GRSF1: variants seen among roughly 807,000 people sequenced by gnomAD.
GRSF1 encodes G-rich sequence factor 1.
Under a neutral mutation model 51.1 loss-of-function variants are expected in GRSF1, and 50 were observed. The ratio of observed to expected loss-of-function variants is 0.98; its 90% CI spans 0.78 to 1.24. GRSF1 has a LOEUF of 1.24. Among genes scored for constraint, GRSF1 ranks in the 50% most tolerant of loss-of-function variants. GRSF1 has a pLI of 0.00. For missense variants in GRSF1, 700 were observed against 639.7 expected (o/e 1.09, Z -1.02); for synonymous variants, 293 against 253.3 (o/e 1.16, Z -1.49).
At chr4:70,834,852 T>G (rs1314299518) in intron 2 of GRSF1, among the ~76,000 whole-genome samples, 1 of 152,046 alleles carries the variant, frequency 6.6e-6, no homozygotes, top group Non-Finnish European at 1.5e-5. Flanking sequence ...CTCGATCTCC[T>G]GACCTCGTGA....
upstream of GRSF1, chr4:70,839,943 A>C: frequency 1.1e-6 from 1 of 916,772 alleles, no homozygotes; most frequent in South Asian, 1.9e-5. Context: ...CGCCGCGGGC[A>C]CTGGGTGGGG....
Position 70,815,823 on chromosome 4 carries a change from A to G in GRSF1, c.*5064T>C, listed in dbSNP as rs1445223779. On this transcript the variant is annotated 3_prime_UTR_variant, in exon 10 of 10. Coordinates refer to ENST00000254799, the MANE Select transcript of GRSF1 (RefSeq NM_002092.4). ...CCAACTTTATTCATGATAGCCCCAA[A>G]CTAGAAACAGCCCATTGTTCACCAG... 1 of 152,206 alleles carries G rather than the reference A, an allele frequency of 6.6e-6. No homozygotes were observed. Among genetic ancestry groups the G allele is most frequent in the East Asian group, 1.9e-4 (1 of 5,204 alleles). 9.4% of individuals were successfully genotyped at this position (152,206 alleles called of 1,614,324 possible).
rs774818709 is a variant in GRSF1, at chr4:70,820,346, A to C, written c.*541T>G. The C allele has an allele frequency of 6.6e-6, 1 of 152,636 alleles. No individual in the cohort carries two copies. The highest frequency in any genetic ancestry group is 1.5e-5 in the Non-Finnish European group (1 of 68,028). The allele number at this position is 152,636 out of a possible 1,614,324, so 9.5% of individuals were successfully genotyped here. A position where few individuals can be genotyped will look rare whatever the true frequency, so the allele number is the denominator to read the frequency against. ...TTGATTTTTAAAAATTCCTATCTCT[A>C]AGTAATCAAATACAGCAAAATTTAA... On this transcript the variant is annotated 3_prime_UTR_variant, in exon 10 of 10. Transcript: ENST00000254799.
intron 1 of GRSF1, 58 bp from the exon 2 acceptor site, chr4:70,836,372 A>C: frequency 8.0e-7 from 1 of 1,257,574 alleles, no homozygotes; most frequent in Non-Finnish European, 1.1e-6. Context: ...AAAAATGTAA[A>C]AAAATTCTTA....
rs1402429300 is a variant in GRSF1 at position 70,823,496 on chromosome 4, C to T, written c.*25+798G>A. The stretch of plus-strand genomic sequence containing the variant: ...GCAGAATTTTCTTTTTTTTTTTTTG[C>T]CCCCCACATCTGAGAAGCCAGAGCG... On this transcript the variant is annotated intron_variant, in intron 9 of 9. Transcript: ENST00000254799. 3.3e-5 allele frequency among the ~76,000 whole-genome samples: 4 copies of T among 121,418 alleles called. No homozygotes were observed. In the East Asian group the frequency reaches 9.3e-4, roughly 28 times the overall value. 79.7% of individuals were successfully genotyped at this position (121,418 alleles called of 152,430 possible).
At chr4:70,827,775 C>G in intron 6 of GRSF1, 77 bp downstream of exon 6, 1 of 1,051,186 alleles carries the variant, frequency 9.5e-7, no homozygotes, top group Non-Finnish European at 1.4e-6. Context: ...GAGACTTCAT[C>G]TCAAAAAAAA....
intron 1 of GRSF1, among the ~76,000 whole-genome samples, chr4:70,838,357 G>A (rs1258384380): frequency 7.9e-5 from 12 of 151,988 alleles, no homozygotes; most frequent in African/African-American, 2.9e-4. Flanking sequence ...AGCTCACAAA[G>A]GTTTACTGGA....
In GRSF1 at chr4:70,815,993, A is replaced by G. The variant is rs1292396890; in HGVS notation, c.*4894T>C. The G allele has an allele frequency of 6.6e-6, 1 of 152,244 alleles. No individual in the cohort carries two copies. Among genetic ancestry groups the G allele is most frequent in the East Asian group, 1.9e-4 (1 of 5,206 alleles). 9.4% of individuals were successfully genotyped at this position (152,244 alleles called of 1,614,324 possible). On this transcript the variant is annotated 3_prime_UTR_variant, in exon 10 of 10. Coordinates refer to ENST00000254799, the MANE Select transcript of GRSF1 (RefSeq NM_002092.4). ...AAGGAACTTACAGAATACATACTGC[A>G]TAAGTGAGTCCGTTATATGAAGTTC...
chr4:70,839,249 T>C (rs1262855020), intron 1 of GRSF1: 6 of 1,474,750 alleles, frequency 4.1e-6, no homozygotes, highest in Non-Finnish European at 4.5e-6. Flanking sequence ...GACCAGAGAC[T>C]CGAGGCGAGA....
intron 3 of GRSF1, 129 bp downstream of exon 3, chr4:70,832,989 T>C (rs1578305095): frequency 1.2e-6 from 1 of 811,470 alleles, no homozygotes; most frequent in South Asian, 2.1e-5. Flanking sequence ...TGTTTTATTT[T>C]CACATCCTAT....
Position 70,839,554 on chromosome 4 carries a change from C to A in GRSF1, c.274G>T (p.Ala92Ser). 1.4e-6 allele frequency: 2 copies of A among 1,424,054 alleles called. No homozygotes were observed. The highest frequency in any genetic ancestry group is 1.8e-6 in the Non-Finnish European group (2 of 1,091,756). 88.2% of individuals were successfully genotyped at this position (1,424,054 alleles called of 1,614,324 possible). A position where few individuals can be genotyped will look rare whatever the true frequency, so the allele number is the denominator to read the frequency against. Reference protein sequence around the residue: ...VATSAAAAAAASYSALRASLL... With the variant: ...VATSAAAAAASSYSALRASLL... ...GAGGCACGGAGGGCAGAGTAGGACG[C>A]GGCGGCCGCGGCCGCGGCAGAGGTG... The change falls in exon 1 of 10, where the codon GCG (alanine) becomes TCG (serine). Residue 92 changes from alanine to serine, a missense_variant. Physicochemically the swap from Ala to Ser is moderately conservative, Grantham distance 99. Transcript: ENST00000254799.
Position 70,836,243 on chromosome 4 carries a change from T to G in GRSF1, c.429A>C (p.Glu143Asp). 1 of 1,610,544 alleles carries G rather than the reference T, an allele frequency of 6.2e-7. No homozygotes were observed. The highest frequency in any genetic ancestry group is 8.5e-7 in the Non-Finnish European group (1 of 1,178,466). ...PEYELAPSKL[E>D]EEVDDVFLIR... ...TGAGAAAGACATCATCCACTTCCTC[T>G]TCTAACTTGGACGGGGCCAATTCAT... Residue 143 changes from glutamate to aspartate, a missense_variant, in exon 2 of 10, where the codon GAA becomes GAC. Coordinates refer to ENST00000254799, the MANE Select transcript of GRSF1 (RefSeq NM_002092.4).
intron 7 of GRSF1, 191 bp downstream of exon 7, chr4:70,825,933 A>T: frequency 1.9e-6 from 1 of 530,602 alleles, no homozygotes; most frequent in Non-Finnish European, 3.3e-6. Flanking sequence ...CTCTGTCACA[A>T]AAAAAAGTAA....
Position 70,817,439 on chromosome 4 carries a change from T to C in GRSF1, c.*3448A>G, listed in dbSNP as rs1733354106. ...AACCTTCCTTCCTATACTTCCTTTC[T>C]AAAAATAAGAAAACCACTAGAACTA... On this transcript the variant is annotated 3_prime_UTR_variant, in exon 10 of 10. Transcript: ENST00000254799. 6.6e-6 allele frequency: 1 copy of C among 152,150 alleles called. No homozygotes were observed. Among genetic ancestry groups the C allele is most frequent in the Non-Finnish European group, 1.5e-5 (1 of 68,028 alleles). 9.4% of individuals were successfully genotyped at this position (152,150 alleles called of 1,614,324 possible).
In GRSF1 at chr4:70,833,383, T is replaced by C. The variant is rs78419536; in HGVS notation, c.515-110A>G. On this transcript the variant is annotated intron_variant, in intron 2 of 9. Coordinates refer to ENST00000254799, the MANE Select transcript of GRSF1 (RefSeq NM_002092.4). ...ACAACAAAGCAGGAAACAAGTGTCA[T>C]ATTCCTTACACAAATCCCCATCACT... 3.8e-3 allele frequency: 3,338 copies of C among 878,350 alleles called. 63 individuals carry two copies. In the African/African-American group the frequency reaches 0.049, roughly 13 times the overall value. 54.4% of individuals were successfully genotyped at this position (878,350 alleles called of 1,614,324 possible). A position where few individuals can be genotyped will look rare whatever the true frequency, so the allele number is the denominator to read the frequency against.
At chr4:70,834,130 G>A (rs1734097132) in intron 2 of GRSF1, among the ~76,000 whole-genome samples, 1 of 152,078 alleles carries the variant, frequency 6.6e-6, no homozygotes, top group Admixed American at 6.6e-5. Flanking sequence ...ATGGTGATAG[G>A]TGCCTGCTGT....
Position 70,820,510 on chromosome 4 carries a change from AG to A in GRSF1, c.*376del, listed in dbSNP as rs1191499831. 6.6e-6 allele frequency: 1 copy of A among 152,600 alleles called. No homozygotes were observed. The highest frequency in any genetic ancestry group is 1.5e-5 in the Non-Finnish European group (1 of 68,030). 9.5% of individuals were successfully genotyped at this position (152,600 alleles called of 1,614,324 possible). A position where few individuals can be genotyped will look rare whatever the true frequency, so the allele number is the denominator to read the frequency against. ...ACTCAATTCACAGGCAAAAAAAAAA[AG>A]TTACTTTTTAAATGAAACCGTTTAA... On this transcript the variant is annotated 3_prime_UTR_variant, in exon 10 of 10. Coordinates refer to ENST00000254799, the MANE Select transcript of GRSF1 (RefSeq NM_002092.4).
At chr4:70,836,417 G>T (rs1578309068) in intron 1 of GRSF1, 103 bp from the exon 2 acceptor site, 3 of 871,316 alleles carry the variant, frequency 3.4e-6, no homozygotes, top group Non-Finnish European at 5.1e-6. Context: ...CATTCTAGAT[G>T]TTATTTCAGA....
At chr4:70,835,251 G>C (rs1164315797) in intron 2 of GRSF1, among the ~76,000 whole-genome samples, 2 of 150,980 alleles carry the variant, frequency 1.3e-5, no homozygotes, top group Non-Finnish European at 3.0e-5. Context: ...AGATCATCCT[G>C]GCTAACACGG....
Sources: allele counts gnomAD v4.1 joint callset (sites outside exome capture counted in the v4.1 genomes callset), GRCh38; gene constraint gnomAD v4.1.1; transcripts MANE v1.5; gene names NCBI Gene and HGNC (gene_info 2026-07-23, HGNC 2026-07-21).